The following CLCN5 variants were observed in gnomAD, a reference collection of about 807,000 sequenced individuals.
CLCN5 encodes H(+)/Cl(-) exchange transporter 5.
CLCN5 carries 17 observed loss-of-function variants against 54.0 expected under a neutral mutation model. That is an observed-to-expected ratio of 0.31 (90% CI 0.22 to 0.47). The LOEUF (loss-of-function observed/expected upper bound fraction) is 0.47. Among genes scored for constraint, CLCN5 ranks in the 20% least tolerant of loss-of-function variants. CLCN5 has a pLI of 1.00. For synonymous variants in CLCN5, 222 were observed against 233.0 expected (o/e 0.95, Z 0.43); for missense variants, 448 against 646.7 (o/e 0.69, Z 3.33).
intron 3 of CLCN5, among the ~76,000 whole-genome samples, chrX:49,982,206 CTTCTGCCCCTG>C (rs1928769781): frequency 9.0e-6 from 1 of 110,726 alleles, no homozygotes; most frequent in African/African-American, 3.3e-5. Context: ...GTAGAGGAGC[CTTCTGCCCCTG>C]ATGGGAGACT....
At chrX:49,993,237 G>C (rs1280007089) in intron 3 of CLCN5, among the ~76,000 whole-genome samples, 1 of 111,895 alleles carries the variant, frequency 8.9e-6, no homozygotes, top group Non-Finnish European at 1.9e-5. Flanking sequence ...AGGGTTTCCG[G>C]TTGTCCTTGC....
chrX:49,957,169 A>T (rs1927368524), intron 3 of CLCN5, among the ~76,000 whole-genome samples: 1 of 111,148 alleles, frequency 9.0e-6, no homozygotes, highest in Non-Finnish European at 1.9e-5. Context: ...GCGTGGTGGC[A>T]TGCTCCTGTA....
At chrX:50,010,608 C>G in intron 3 of CLCN5, 1 of 126,547 alleles carries the variant, frequency 7.9e-6, no homozygotes. Flanking sequence ...TAGGCAAGAA[C>G]AGCAAGCCTT....
chrX:50,001,076 C>A (rs1031411100), intron 3 of CLCN5, among the ~76,000 whole-genome samples: 1 of 110,860 alleles, frequency 9.0e-6, no homozygotes, highest in Non-Finnish European at 1.9e-5. Flanking sequence ...CTGACCTCTC[C>A]TCCATTACCT....
intron 3 of CLCN5, among the ~76,000 whole-genome samples, chrX:49,947,459 T>C (rs1321251368): frequency 9.0e-6 from 1 of 110,745 alleles, no homozygotes; most frequent in Non-Finnish European, 1.9e-5. Context: ...AGATGATATA[T>C]GAAGCCTAGG....
At chrX:49,960,112 T>A (rs1317383483) in intron 3 of CLCN5, among the ~76,000 whole-genome samples, 1 of 110,964 alleles carries the variant, frequency 9.0e-6, no homozygotes, top group Admixed American at 9.6e-5. Context: ...TGCTTCTATG[T>A]TCTTTCCCAC....
intron 4 of CLCN5, among the ~76,000 whole-genome samples, chrX:50,046,221 C>T (rs1250305116): frequency 8.9e-6 from 1 of 112,637 alleles, no homozygotes; most frequent in African/African-American, 3.2e-5. Flanking sequence ...TCTGTTCTCA[C>T]TTGCCTGCCT....
chrX:49,957,160 C>T (rs987470103), intron 3 of CLCN5, among the ~76,000 whole-genome samples: 7 of 111,104 alleles, frequency 6.3e-5, no homozygotes, highest in Non-Finnish European at 1.1e-4. Context: ...ATTAGCTGGG[C>T]GTGGTGGCAT....
At chrX:49,956,967 C>T (rs1403233087) in intron 3 of CLCN5, among the ~76,000 whole-genome samples, 1 of 111,486 alleles carries the variant, frequency 9.0e-6, no homozygotes, top group African/African-American at 3.3e-5. Flanking sequence ...CAGAGCACAA[C>T]AATAATATAA....
intron 4 of CLCN5, among the ~76,000 whole-genome samples, chrX:50,066,151 TTAAAGTA>T (rs1184764308): frequency 2.5e-5 from 2 of 78,635 alleles, no homozygotes; most frequent in Non-Finnish European, 4.4e-5. Context: ...ACCCTAAAAC[TTAAAGTA>T]TAATTAAAAA....
At chrX:49,994,657 A>G (rs1322165764) in intron 3 of CLCN5, among the ~76,000 whole-genome samples, 1 of 111,935 alleles carries the variant, frequency 8.9e-6, no homozygotes, top group Non-Finnish European at 1.9e-5. Flanking sequence ...ATACACTCCT[A>G]TTCAGTTTTG....
intron 3 of CLCN5, among the ~76,000 whole-genome samples, chrX:50,030,796 AACTTATGTTGGTAGTTTC>A (rs1931660534): frequency 8.9e-6 from 1 of 112,551 alleles, no homozygotes; most frequent in African/African-American, 3.2e-5. Flanking sequence ...TTAATCTGAT[AACTTATGTTGGTAGTTTC>A]CCATGTGATA....
intron 3 of CLCN5, among the ~76,000 whole-genome samples, chrX:50,026,758 T>C (rs1931409974): frequency 8.9e-6 from 1 of 111,833 alleles, no homozygotes; most frequent in African/African-American, 3.3e-5. Flanking sequence ...TGAAGATGTC[T>C]GCTGTAATTC....
intron 12 of CLCN5, among the ~76,000 whole-genome samples, chrX:50,089,912 A>G (rs782769621): frequency 9.0e-6 from 1 of 111,515 alleles, no homozygotes; most frequent in Non-Finnish European, 1.9e-5. Flanking sequence ...AGAAAAAAGA[A>G]AAACAGAAGG....
chrX:50,035,302 C>G (rs1266333153), intron 3 of CLCN5, among the ~76,000 whole-genome samples: 1 of 111,053 alleles, frequency 9.0e-6, no homozygotes, highest in Non-Finnish European at 1.9e-5. Flanking sequence ...TCCCTAATTC[C>G]CTTCCCTCAT....
intron 3 of CLCN5, among the ~76,000 whole-genome samples, chrX:49,980,587 G>A (rs782713472): frequency 1.6e-4 from 18 of 112,058 alleles, no homozygotes; most frequent in African/African-American, 5.5e-4. Flanking sequence ...TCCTAGTGGT[G>A]CATGGAAATG....
chrX:50,039,850 G>A (rs1353730047), intron 3 of CLCN5, among the ~76,000 whole-genome samples: 2 of 110,369 alleles, frequency 1.8e-5, no homozygotes, highest in Non-Finnish European at 3.8e-5. Flanking sequence ...ACACCACCAC[G>A]CCTGGCTAAT....
intron 3 of CLCN5, among the ~76,000 whole-genome samples, chrX:49,962,012 C>T (rs1481271874): frequency 8.9e-6 from 1 of 111,843 alleles, no homozygotes; most frequent in Admixed American, 9.5e-5. Flanking sequence ...AAGTCATGAC[C>T]TTCAACAGGA....
chrX:50,087,980 C>T (rs1465532541), intron 11 of CLCN5, among the ~76,000 whole-genome samples: 2 of 112,156 alleles, frequency 1.8e-5, no homozygotes, highest in Non-Finnish European at 3.8e-5. Flanking sequence ...ATGAGCTTTA[C>T]TTTTTTGGTT....
Sources: gnomAD v4.1 joint callset for allele counts (sites outside exome capture counted in the v4.1 genomes callset) on GRCh38, gnomAD v4.1.1 for gene constraint, MANE v1.5 for transcripts, NCBI Gene and HGNC (gene_info 2026-07-23, HGNC 2026-07-21) for gene names.